Variants in ALK observed in about 807,000 individuals in gnomAD.
ALK encodes the protein ALK receptor tyrosine kinase.
In ALK, 74 loss-of-function variants were observed where a neutral mutation model predicts 163.1. The observed-to-expected ratio is 0.45, with a 90% CI of 0.38 to 0.55. The LOEUF is 0.55. ALK is among the 20% of genes least tolerant of loss of function. The pLI is 0.00. For missense variants in ALK, 2,063 were observed against 2,105.3 expected (o/e 0.98, Z 0.39); for synonymous variants, 960 against 843.2 (o/e 1.14, Z -2.40).
intron 4 of ALK, among the ~76,000 whole-genome samples, chr2:29,529,135 C>G (rs1022417273): frequency 6.6e-6 from 1 of 152,212 alleles, no homozygotes; most frequent in Non-Finnish European, 1.5e-5. Flanking sequence ...GCTCCTGCCC[C>G]ACCCGTGCAC....
At chr2:29,577,363 A>G (rs985179020) in intron 3 of ALK, among the ~76,000 whole-genome samples, 1 of 152,200 alleles carries the variant, frequency 6.6e-6, no homozygotes, top group African/African-American at 2.4e-5. Flanking sequence ...TGGTCCTTGT[A>G]TGCTCTGCTC....
chr2:29,301,719 C>T (rs1013389828), intron 8 of ALK, among the ~76,000 whole-genome samples: 2 of 152,238 alleles, frequency 1.3e-5, no homozygotes, highest in Non-Finnish European at 2.9e-5. Flanking sequence ...CAGCAAGATG[C>T]AGCCCTGTCT....
intron 3 of ALK, among the ~76,000 whole-genome samples, chr2:29,613,815 C>T (rs1264279934): frequency 6.6e-6 from 1 of 152,184 alleles, no homozygotes; most frequent in South Asian, 2.1e-4. Context: ...TTTTCTCCTG[C>T]CCTGTGGTAA....
chr2:29,388,667 T>C (rs188927965), intron 4 of ALK, among the ~76,000 whole-genome samples: 3 of 152,356 alleles, frequency 2.0e-5, no homozygotes, highest in African/African-American at 7.2e-5. Context: ...AGGAGCTCCA[T>C]AAGCGGAGCT....
In ALK at chr2:29,197,536, T is replaced by G. The variant is rs1404039400; in HGVS notation, c.4073+6A>C. ...ACTAGCAGAAGTGTTCCTAAAAGAG[T>G]CATACACAGGCCCAGGGCAGTTCTT... On this transcript the variant is annotated splice_donor_region_variant and intron_variant, in intron 27 of 28. Coordinates refer to ENST00000389048, the MANE Select transcript of ALK (RefSeq NM_004304.5). The G allele has an allele frequency of 3.1e-6, 5 of 1,613,138 alleles. No homozygotes were observed. The highest frequency in any genetic ancestry group is 4.2e-6 in the Non-Finnish European group (5 of 1,180,010).
At chr2:29,206,252 C>G (rs1669306258) in intron 26 of ALK, among the ~76,000 whole-genome samples, 1 of 150,858 alleles carries the variant, frequency 6.6e-6, no homozygotes, top group South Asian at 2.1e-4. Context: ...CCTCTCCCCT[C>G]CCTTTCTTTC....
At chr2:29,735,512 T>C (rs1679865806) in intron 1 of ALK, among the ~76,000 whole-genome samples, 3 of 152,074 alleles carry the variant, frequency 2.0e-5, no homozygotes, top group Admixed American at 1.3e-4. Context: ...ATACTCATTA[T>C]GTACCAGGTG....
intron 1 of ALK, among the ~76,000 whole-genome samples, chr2:29,898,494 C>T (rs889224187): frequency 6.6e-6 from 1 of 152,154 alleles, no homozygotes; most frequent in Non-Finnish European, 1.5e-5. Context: ...TGTAATGGTG[C>T]CTTTTAAGGA....
intron 3 of ALK, among the ~76,000 whole-genome samples, chr2:29,681,739 C>T (rs569276062): frequency 6.6e-6 from 1 of 151,044 alleles, no homozygotes; most frequent in East Asian, 2.0e-4. Context: ...CACCTACAAC[C>T]CCCCTGGGCA....
At chr2:29,478,054 T>C (rs1362052898) in intron 4 of ALK, among the ~76,000 whole-genome samples, 1 of 152,184 alleles carries the variant, frequency 6.6e-6, no homozygotes, top group Non-Finnish European at 1.5e-5. Flanking sequence ...TGCTCCTCCA[T>C]CCATAAAAAA....
intron 3 of ALK, among the ~76,000 whole-genome samples, chr2:29,584,394 T>G (rs527327661): frequency 1.3e-5 from 2 of 152,322 alleles, no homozygotes; most frequent in South Asian, 4.1e-4. Context: ...GCAGTGAAAT[T>G]AGTCAAATAA....
At chr2:29,730,424 A>C (rs1679708661) in intron 1 of ALK, among the ~76,000 whole-genome samples, 1 of 152,196 alleles carries the variant, frequency 6.6e-6, no homozygotes, top group South Asian at 2.1e-4. Context: ...GGCTAAAAAA[A>C]AGTGGAATTC....
At chr2:29,600,755 G>C (rs528875703) in intron 3 of ALK, among the ~76,000 whole-genome samples, 151 of 152,314 alleles carry the variant, frequency 9.9e-4, no homozygotes, top group African/African-American at 3.5e-3. Flanking sequence ...GGACAGTCTG[G>C]GGACACGTTA....
intron 1 of ALK, among the ~76,000 whole-genome samples, chr2:29,904,631 A>G (rs553117314): frequency 4.4e-4 from 67 of 152,338 alleles, no homozygotes; most frequent in African/African-American, 1.6e-3. Flanking sequence ...AAAGAACCCT[A>G]TAAAGCAAGT....
intron 5 of ALK, among the ~76,000 whole-genome samples, chr2:29,380,149 A>C (rs1668860390): frequency 6.8e-6 from 1 of 147,946 alleles, no homozygotes. Context: ...CTCTGTCACC[A>C]GGCTGGAGTG....
At chr2:29,785,702 C>G (rs1455322307) in intron 1 of ALK, among the ~76,000 whole-genome samples, 1 of 152,078 alleles carries the variant, frequency 6.6e-6, no homozygotes, top group African/African-American at 2.4e-5. Context: ...GAAAATGAAT[C>G]CTGCAGTGGG....
chr2:29,387,336 T>C (rs538205363), intron 4 of ALK, among the ~76,000 whole-genome samples: 1 of 152,212 alleles, frequency 6.6e-6, no homozygotes, highest in Non-Finnish European at 1.5e-5. Context: ...CAACTTTGCA[T>C]GAATTTTTTG....
intron 2 of ALK, among the ~76,000 whole-genome samples, chr2:29,713,954 T>C (rs980112296): frequency 2.0e-5 from 3 of 152,046 alleles, no homozygotes; most frequent in African/African-American, 2.4e-5. Context: ...AGTGGGCAAA[T>C]ATGATTTAAA....
intron 7 of ALK, among the ~76,000 whole-genome samples, chr2:29,319,437 G>T (rs1242058343): frequency 6.6e-6 from 1 of 152,230 alleles, no homozygotes; most frequent in African/African-American, 2.4e-5. Context: ...AGCTGGCATT[G>T]TGTGACTGGG....
Sources: allele counts gnomAD v4.1 joint callset (sites outside exome capture counted in the v4.1 genomes callset), GRCh38; gene constraint gnomAD v4.1.1; transcripts MANE v1.5; gene names NCBI Gene and HGNC (gene_info 2026-07-23, HGNC 2026-07-21).